Variants in DOCK4 observed in about 807,000 individuals in gnomAD.
DOCK4 encodes the protein dedicator of cytokinesis protein 4.
A neutral mutation model predicts 268.1 loss-of-function variants in DOCK4; 97 were observed. That is an observed-to-expected ratio of 0.36 (90% CI 0.31 to 0.43). The LOEUF is 0.43. DOCK4 is among the 20% of genes least tolerant of loss of function. The pLI, the probability that DOCK4 is intolerant of heterozygous loss-of-function variation, is 1.00. For missense variants in DOCK4, 2,145 were observed against 2,455.7 expected (o/e 0.87, Z 2.67); for synonymous variants, 954 against 887.2 (o/e 1.08, Z -1.34).
chr7:111,817,624 C>G (rs1193740770), intron 27 of DOCK4, among the ~76,000 whole-genome samples: 2 of 152,202 alleles, frequency 1.3e-5, no homozygotes, highest in East Asian at 3.8e-4. Context: ...GGCTGGCATA[C>G]CTAGCAACCT....
intron 26 of DOCK4, among the ~76,000 whole-genome samples, chr7:111,825,305 T>C (rs1202738638): frequency 8.5e-5 from 13 of 152,234 alleles, no homozygotes. Flanking sequence ...TCTACTGCCA[T>C]GCAACAGGGT....
intron 26 of DOCK4, among the ~76,000 whole-genome samples, chr7:111,826,057 T>C (rs554408770): frequency 1.6e-4 from 25 of 152,230 alleles, no homozygotes; most frequent in African/African-American, 5.8e-4. Context: ...TGCCACACAA[T>C]AGTAAGTAGG....
chr7:112,035,372 T>C (rs546752704), intron 1 of DOCK4, among the ~76,000 whole-genome samples: 57 of 151,516 alleles, frequency 3.8e-4, no homozygotes, highest in African/African-American at 1.4e-3. Context: ...CTGTAAGAAA[T>C]ATAACCCCAG....
chr7:111,797,929 A>G (rs1196948519), intron 30 of DOCK4, among the ~76,000 whole-genome samples: 1 of 152,212 alleles, frequency 6.6e-6, no homozygotes, highest in East Asian at 1.9e-4. Flanking sequence ...AAAGCAAGCT[A>G]TAGGACCAAA....
chr7:111,741,890 T>C, intron 45 of DOCK4, 123 bp downstream of exon 45: 1 of 1,364,404 alleles, frequency 7.3e-7, no homozygotes, highest in Non-Finnish European at 9.8e-7. Flanking sequence ...GAGGGCTCCC[T>C]GGTAAAACAG....
At chr7:112,129,938 C>G (rs1813646695) in intron 1 of DOCK4, among the ~76,000 whole-genome samples, 1 of 152,186 alleles carries the variant, frequency 6.6e-6, no homozygotes, top group Admixed American at 6.5e-5. Context: ...AATGCATTAA[C>G]ATATCCATAA....
chr7:111,786,623 T>TA (rs1799187429), intron 32 of DOCK4, among the ~76,000 whole-genome samples: 7 of 152,320 alleles, frequency 4.6e-5, no homozygotes, highest in Admixed American at 3.9e-4. Context: ...CACTACAATT[T>TA]AGGAAGCAGT....
chr7:112,132,446 C>T (rs1191206377), intron 1 of DOCK4, among the ~76,000 whole-genome samples: 1 of 152,090 alleles, frequency 6.6e-6, no homozygotes, highest in African/African-American at 2.4e-5. Flanking sequence ...TGGCAGCTCA[C>T]ACAAAGGATG....
intron 16 of DOCK4, among the ~76,000 whole-genome samples, chr7:111,878,213 GAAAT>G (rs1807074191): frequency 6.6e-6 from 1 of 152,194 alleles, no homozygotes; most frequent in African/African-American, 2.4e-5. Flanking sequence ...CAACACTTAA[GAAAT>G]AGATAGCCAG....
chr7:112,193,462 G>T (rs531962235), intron 1 of DOCK4, among the ~76,000 whole-genome samples: 3 of 151,746 alleles, frequency 2.0e-5, no homozygotes, highest in Non-Finnish European at 2.9e-5. Flanking sequence ...AGCCAGGTGT[G>T]GTGGTGCATG....
intron 1 of DOCK4, among the ~76,000 whole-genome samples, chr7:112,119,105 T>C (rs1391780132): frequency 6.6e-6 from 1 of 152,056 alleles, no homozygotes; most frequent in Non-Finnish European, 1.5e-5. Context: ...GCCAAGTCAT[T>C]ATGTCATTCC....
At chr7:111,772,580 G>A (rs1432826681) in intron 36 of DOCK4, among the ~76,000 whole-genome samples, 1 of 152,190 alleles carries the variant, frequency 6.6e-6, no homozygotes, top group Non-Finnish European at 1.5e-5. Flanking sequence ...TGCATTGCCT[G>A]AGGTCAGTAG....
chr7:111,907,205 T>C (rs1316703788), intron 13 of DOCK4, among the ~76,000 whole-genome samples: 1 of 152,214 alleles, frequency 6.6e-6, no homozygotes, highest in African/African-American at 2.4e-5. Flanking sequence ...CTCTATTTTC[T>C]ATCTATCATT....
At chr7:112,065,121 A>G (rs1806795409) in intron 1 of DOCK4, among the ~76,000 whole-genome samples, 1 of 152,212 alleles carries the variant, frequency 6.6e-6, no homozygotes, top group African/African-American at 2.4e-5. Flanking sequence ...TCTAGCCTGC[A>G]TTCTGCCAGT....
intron 12 of DOCK4, among the ~76,000 whole-genome samples, chr7:111,923,441 T>C (rs1371070771): frequency 6.6e-6 from 1 of 152,240 alleles, no homozygotes; most frequent in African/African-American, 2.4e-5. Context: ...TATTTCTTTT[T>C]AGGTAATCAG....
intron 1 of DOCK4, among the ~76,000 whole-genome samples, chr7:112,153,913 A>G (rs1391960069): frequency 1.3e-5 from 2 of 152,172 alleles, no homozygotes; most frequent in Non-Finnish European, 2.9e-5. Context: ...AGCTAGCAAT[A>G]ATAAAAAATG....
At chr7:112,168,137 A>T (rs1817764373) in intron 1 of DOCK4, among the ~76,000 whole-genome samples, 3 of 152,248 alleles carry the variant, frequency 2.0e-5, no homozygotes, top group Non-Finnish European at 4.4e-5. Flanking sequence ...TAACTAGTAA[A>T]AATCAGGTAT....
At chr7:111,969,772 A>T (rs1365955327) in intron 8 of DOCK4, among the ~76,000 whole-genome samples, 5 of 152,206 alleles carry the variant, frequency 3.3e-5, no homozygotes, top group Admixed American at 3.3e-4. Flanking sequence ...GTAGCTGCAC[A>T]ACCTATGGAA....
chr7:112,018,021 C>T (rs960389968), intron 1 of DOCK4, among the ~76,000 whole-genome samples: 4 of 151,364 alleles, frequency 2.6e-5, no homozygotes, highest in Non-Finnish European at 5.9e-5. Context: ...CCCGTCTCTA[C>T]TAAAAAAAAT....
Sources: allele counts gnomAD v4.1 joint callset (sites outside exome capture counted in the v4.1 genomes callset), GRCh38; gene constraint gnomAD v4.1.1; transcripts MANE v1.5; gene names NCBI Gene and HGNC (gene_info 2026-07-23, HGNC 2026-07-21).